DNAH9: variants seen among roughly 807,000 people sequenced by gnomAD.
DNAH9 encodes the protein DNAH9 variant protein.
DNAH9 carries 345 observed loss-of-function variants against 471.6 expected under a neutral mutation model. That is an observed-to-expected ratio of 0.73 (90% CI 0.67 to 0.80). The LOEUF is 0.80. DNAH9 is among the 30% of genes least tolerant of loss of function. DNAH9 has a pLI of 0.00. For synonymous variants in DNAH9, 2,093 were observed against 2,123.6 expected (o/e 0.99, Z 0.40); for missense variants, 5,407 against 5,609.2 (o/e 0.96, Z 1.15).
At chr17:11,828,693 C>T (rs1034239357) in intron 48 of DNAH9, among the ~76,000 whole-genome samples, 3 of 152,228 alleles carry the variant, frequency 2.0e-5, no homozygotes, top group East Asian at 1.9e-4. Context: ...CAAAACTCTA[C>T]GACTGGTTCA....
intron 28 of DNAH9, among the ~76,000 whole-genome samples, chr17:11,735,562 A>C (rs199723420): frequency 6.6e-6 from 1 of 151,984 alleles, no homozygotes; most frequent in Non-Finnish European, 1.5e-5. Context: ...CCGCCTCCCA[A>C]GTAGCTGAGA....
intron 67 of DNAH9, among the ~76,000 whole-genome samples, chr17:11,944,199 G>T (rs139108980): frequency 1.1e-3 from 167 of 152,306 alleles, no homozygotes; most frequent in Non-Finnish European, 1.9e-3. Context: ...TCTCAGCACT[G>T]CCTGCTGGAG....
intron 27 of DNAH9, among the ~76,000 whole-genome samples, chr17:11,722,318 G>A (rs368858556): frequency 1.1e-4 from 16 of 152,346 alleles, no homozygotes; most frequent in African/African-American, 3.6e-4. Flanking sequence ...AGTGGGGGAT[G>A]CAGAAAGGAA....
intron 41 of DNAH9, among the ~76,000 whole-genome samples, chr17:11,791,770 TACATA>T (rs1969075622): frequency 6.6e-6 from 1 of 152,138 alleles, no homozygotes; most frequent in Non-Finnish European, 1.5e-5. Flanking sequence ...TCGAGACGTA[TACATA>T]AAGGCTCTGT....
At position 11,605,876 on chromosome 17, in the gene DNAH9, T is replaced by C. The variant is rs1052565886; in HGVS notation, c.418-2253T>C. Among the ~76,000 whole-genome samples the C allele has an allele frequency of 2.6e-5, 4 of 152,208 alleles. No homozygotes were observed. The East Asian group carries it at 7.7e-4, about 29-fold the overall frequency. On this transcript the variant is annotated intron_variant, in intron 1 of 68. Coordinates refer to ENST00000262442, the MANE Select transcript of DNAH9 (RefSeq NM_001372.4). ...CACTCAAAGCCCTTAAAACCCCCACTCAAAACTATTCCTTTTTCTTCAGAC... is the reference window on the plus strand; with the variant it reads ...CACTCAAAGCCCTTAAAACCCCCACCCAAAACTATTCCTTTTTCTTCAGAC...
In DNAH9 at chr17:11,689,981, A is replaced by G; in HGVS notation, c.4159A>G (p.Arg1387Gly). 1 of 1,614,012 alleles carries G rather than the reference A, an allele frequency of 6.2e-7. No individual in the cohort carries two copies. Among genetic ancestry groups the G allele is most frequent in the Non-Finnish European group, 8.5e-7 (1 of 1,179,966 alleles). Residue 1387 changes from arginine (R) to glycine (G), a missense_variant, in exon 20 of 69, where the codon AGG (arginine) becomes GGG (glycine). By Grantham distance (125) the Arg-to-Gly change is moderately radical (BLOSUM62 -2). Coordinates refer to ENST00000262442, the MANE Select transcript of DNAH9 (RefSeq NM_001372.4). ...TCCAGCCATCCGGGAGCGGCACTGGAGGCAGCTGATGCAGGCCACCGGTGT... is the reference window on the plus strand; with the variant it reads ...TCCAGCCATCCGGGAGCGGCACTGGGGGCAGCTGATGCAGGCCACCGGTGT... ...QNPAIRERHW[R>G]QLMQATGVSF... is the part of the protein sequence containing the mutation.
intron 26 of DNAH9, among the ~76,000 whole-genome samples, chr17:11,708,004 CACACACACACAGAGAGAGAG>C (rs1201215092): frequency 1.2e-4 from 6 of 49,070 alleles, no homozygotes; most frequent in African/African-American, 2.9e-4. Context: ...CACACACACA[CACACACACACAGAGAGAGAG>C]AGAGAGAGAG....
intron 13 of DNAH9, 115 bp downstream of exon 13, chr17:11,651,439 T>C: frequency 9.1e-7 from 1 of 1,102,210 alleles, no homozygotes; most frequent in Non-Finnish European, 1.3e-6. Flanking sequence ...AACATAAGTC[T>C]GTCTTCTCCT....
chr17:11,612,720 C>CTTTTT (rs1199478542), intron 4 of DNAH9: 3 of 152,170 alleles, frequency 2.0e-5, no homozygotes, highest in Admixed American at 1.3e-4. Flanking sequence ...CGTCTTCTCC[C>CTTTTT]TTTTTCTTGT....
chr17:11,707,538 C>A (rs781483708), intron 26 of DNAH9, among the ~76,000 whole-genome samples: 16 of 152,164 alleles, frequency 1.1e-4, no homozygotes, highest in Non-Finnish European at 2.1e-4. Flanking sequence ...AATTCCTCTG[C>A]TTTTTCATTT....
At chr17:11,777,650 T>A (rs1038793416) in intron 38 of DNAH9, among the ~76,000 whole-genome samples, 1 of 152,242 alleles carries the variant, frequency 6.6e-6, no homozygotes, top group Admixed American at 6.5e-5. Context: ...ACACTAATTA[T>A]ATAGGAACTC....
intron 26 of DNAH9, among the ~76,000 whole-genome samples, chr17:11,713,366 C>A (rs1255574951): frequency 2.6e-5 from 4 of 151,984 alleles, no homozygotes; most frequent in African/African-American, 9.7e-5. Flanking sequence ...TGAACATATG[C>A]ATGCATGTGT....
At chr17:11,629,719 T>C (rs912123788) in intron 7 of DNAH9, 135 bp downstream of exon 7, 1 of 696,644 alleles carries the variant, frequency 1.4e-6, no homozygotes, top group Non-Finnish European at 2.3e-6. Context: ...TTGCTAATTA[T>C]CCTTTGTGTT....
At chr17:11,728,108 G>A (rs1008537746) in intron 28 of DNAH9, 186 bp downstream of exon 28, 2 of 580,456 alleles carry the variant, frequency 3.4e-6, no homozygotes, top group African/African-American at 3.7e-5. Flanking sequence ...GTATCCTTCT[G>A]TTACCCACCA....
At chr17:11,621,407 CAAAAAAA>C (rs34933930) in intron 6 of DNAH9, among the ~76,000 whole-genome samples, 1 of 72,654 alleles carries the variant, frequency 1.4e-5, no homozygotes, top group Non-Finnish European at 2.6e-5. Flanking sequence ...GACTCCATCT[CAAAAAAA>C]AAAAAAAAAA....
chr17:11,953,495 A>C (rs995886292), intron 67 of DNAH9, among the ~76,000 whole-genome samples: 12 of 152,154 alleles, frequency 7.9e-5, no homozygotes, highest in African/African-American at 2.9e-4. Flanking sequence ...AATGGGCATA[A>C]TCCATCATGT....
intron 15 of DNAH9, 44 bp downstream of exon 15, chr17:11,665,012 C>G: frequency 6.4e-7 from 1 of 1,556,496 alleles, no homozygotes; most frequent in South Asian, 1.1e-5. Context: ...GGAAAGATAA[C>G]AACAGTAACA....
At chr17:11,603,590 C>T (rs918361893) in intron 1 of DNAH9, among the ~76,000 whole-genome samples, 3 of 152,160 alleles carry the variant, frequency 2.0e-5, no homozygotes, top group Admixed American at 2.0e-4. Flanking sequence ...GCAATTTCCT[C>T]TTCTCCCCTG....
chr17:11,874,881 C>G, intron 52 of DNAH9, 68 bp from the exon 53 acceptor site: 1 of 1,141,544 alleles, frequency 8.8e-7, no homozygotes, highest in Non-Finnish European at 1.3e-6. Context: ...TGGTGAGTAA[C>G]TGCATTCATC....
Sources: gnomAD v4.1 joint callset for allele counts (sites outside exome capture counted in the v4.1 genomes callset) on GRCh38, gnomAD v4.1.1 for gene constraint, MANE v1.5 for transcripts, NCBI Gene and HGNC (gene_info 2026-07-23, HGNC 2026-07-21) for gene names.